Variants in FAM118B observed in about 807,000 individuals in gnomAD.
The protein encoded by FAM118B is protein FAM118B.
FAM118B carries 24 observed loss-of-function variants against 38.5 expected under a neutral mutation model. The ratio of observed to expected loss-of-function variants is 0.62; its 90% confidence interval spans 0.45 to 0.88. The LOEUF (loss-of-function observed/expected upper bound fraction) is 0.88, where lower values mean the gene tolerates loss of function less well. Among genes scored for constraint, FAM118B ranks in the 40% least tolerant of loss-of-function variants. The pLI, the probability that FAM118B is intolerant of heterozygous loss-of-function variation, is 0.00. For synonymous variants in FAM118B, 138 were observed against 156.3 expected (o/e 0.88, Z 0.87); for missense variants, 334 against 420.0 (o/e 0.80, Z 1.79).
intron 3 of FAM118B, among the ~76,000 whole-genome samples, chr11:126,239,651 C>A (rs573484848): frequency 3.9e-5 from 6 of 152,230 alleles, no homozygotes; most frequent in African/African-American, 1.2e-4. Context: ...GTAGCTGGGA[C>A]TACAGGTGTG....
At chr11:126,260,838 G>A (rs1950676936) in intron 7 of FAM118B, 1 of 152,252 alleles carries the variant, frequency 6.6e-6, no homozygotes. Context: ...GTGTTATCCA[G>A]TAGAATTTCC....
At chr11:126,235,207 A>G in intron 3 of FAM118B, 120 bp downstream of exon 3, 1 of 771,456 alleles carries the variant, frequency 1.3e-6, no homozygotes, top group Non-Finnish European at 2.1e-6. Flanking sequence ...TTCATACTCA[A>G]AATTAAATTG....
intron 1 of FAM118B, among the ~76,000 whole-genome samples, chr11:126,227,744 C>T (rs1161576532): frequency 6.6e-6 from 1 of 152,162 alleles, no homozygotes; most frequent in Admixed American, 6.5e-5. Context: ...CACTTAATCA[C>T]TACAGACAGT....
chr11:126,214,302 G>C (rs2135116335), intron 1 of FAM118B: 1 of 147,484 alleles, frequency 6.8e-6, no homozygotes, highest in Middle Eastern at 3.6e-3. Context: ...GCAGTGAGCC[G>C]AGATCGCATC....
chr11:126,254,868 GCTT>G (rs1431128633), intron 6 of FAM118B, among the ~76,000 whole-genome samples: 1 of 152,144 alleles, frequency 6.6e-6, no homozygotes, highest in Non-Finnish European at 1.5e-5. Flanking sequence ...TTCTTCCTGT[GCTT>G]CTTAACTTAT....
In FAM118B at chr11:126,244,539, C is replaced by T. The variant is rs1376340235; in HGVS notation, c.339+3495C>T. Among the ~76,000 whole-genome samples, 1 of 152,176 alleles carries T rather than the reference C, an allele frequency of 6.6e-6. No individual in the cohort carries two copies. The highest frequency in any genetic ancestry group is 1.9e-4 in the East Asian group (1 of 5,202). ...GTACAGAAGGCTAGGCGTGGTGGCC[C>T]ATGCCTGTTGTCTCAGCGCTTTGGG... is the stretch of plus-strand genomic sequence containing the variant. On this transcript the variant is annotated intron_variant, in intron 4 of 8. Transcript: ENST00000533050. This position sits in a 1 kb window ranked among gnomAD's most constrained non-coding sequence, Gnocchi z 4.5.
chr11:126,239,182 C>T (rs1184659217), intron 3 of FAM118B, among the ~76,000 whole-genome samples: 3 of 151,860 alleles, frequency 2.0e-5, no homozygotes, highest in Admixed American at 1.3e-4. Flanking sequence ...ACTAAGTTGC[C>T]TAGGCTTGTC....
chr11:126,234,845 T>TC, intron 2 of FAM118B, 150 bp from the exon 3 acceptor site: 2 of 529,730 alleles, frequency 3.8e-6, no homozygotes, highest in Non-Finnish European at 6.7e-6. Context: ...TTTAGAATGT[T>TC]CATTAATTAA....
intron 1 of FAM118B, among the ~76,000 whole-genome samples, chr11:126,225,339 A>G (rs1300325370): frequency 1.3e-5 from 2 of 152,218 alleles, no homozygotes; most frequent in Admixed American, 6.5e-5. Flanking sequence ...TTGGCACACT[A>G]CTTTCAAAAG....
intron 5 of FAM118B, among the ~76,000 whole-genome samples, chr11:126,251,863 G>T (rs758037579): frequency 1.9e-4 from 29 of 151,350 alleles, no homozygotes; most frequent in Non-Finnish European, 3.8e-4. Flanking sequence ...TGTATTTTTG[G>T]TAGAGACGGG....
At chr11:126,214,478 T>C (rs1591496382) in intron 1 of FAM118B, 2 of 128,056 alleles carry the variant, frequency 1.6e-5, no homozygotes, top group Non-Finnish European at 3.2e-5. Flanking sequence ...TGCAAAAAAC[T>C]CTTTTGTTTC....
At position 126,257,000 on chromosome 11, in the gene FAM118B, G is replaced by C; in HGVS notation, c.982+148G>C. 1.3e-6 allele frequency: 1 copy of C among 769,310 alleles called. No individual in the cohort carries two copies. The highest frequency in any genetic ancestry group is 1.8e-5 in the South Asian group (1 of 56,080). 47.7% of individuals were successfully genotyped at this position (769,310 alleles called of 1,614,324 possible). A position where few individuals can be genotyped will look rare whatever the true frequency, so the allele number is the denominator to read the frequency against. On this transcript the variant is annotated intron_variant, in intron 7 of 8. Coordinates refer to ENST00000533050, the MANE Select transcript of FAM118B (RefSeq NM_024556.4). This position sits in a 1 kb window ranked among gnomAD's most constrained non-coding sequence, Gnocchi z 6.6. Reference sequence around the variant, plus strand: ...AAAGGAGGCCACAGTCTTCAGGTTAGACTAAAGTGCCACTTGGATTATGGG... The same window carrying C: ...AAAGGAGGCCACAGTCTTCAGGTTACACTAAAGTGCCACTTGGATTATGGG...
chr11:126,258,526 C>G (rs978173338), intron 7 of FAM118B, among the ~76,000 whole-genome samples: 4 of 152,188 alleles, frequency 2.6e-5, no homozygotes, highest in African/African-American at 9.7e-5. Context: ...TCTTCCATGG[C>G]TATGCTTTGA....
At chr11:126,231,879 C>T (rs1490802405) in intron 2 of FAM118B, among the ~76,000 whole-genome samples, 1 of 152,152 alleles carries the variant, frequency 6.6e-6, no homozygotes, top group African/African-American at 2.4e-5. Flanking sequence ...ACAAATAGTG[C>T]TTGTCACTGG....
intron 8 of FAM118B, among the ~76,000 whole-genome samples, chr11:126,261,914 T>C (rs1950709105): frequency 6.6e-6 from 1 of 152,098 alleles, no homozygotes; most frequent in Non-Finnish European, 1.5e-5. Flanking sequence ...TTGAGCCCAG[T>C]GAGCTGATTG....
At chr11:126,225,758 T>A (rs1950131972) in intron 1 of FAM118B, among the ~76,000 whole-genome samples, 1 of 152,142 alleles carries the variant, frequency 6.6e-6, no homozygotes, top group Non-Finnish European at 1.5e-5. Flanking sequence ...GGCAGGCAGA[T>A]CATTTGAGGT....
At chr11:126,240,316 A>G (rs983648004) in intron 3 of FAM118B, among the ~76,000 whole-genome samples, 1 of 151,092 alleles carries the variant, frequency 6.6e-6, no homozygotes, top group African/African-American at 2.4e-5. Flanking sequence ...CAAAATTCAG[A>G]ATTAAATTTT....
intron 1 of FAM118B, among the ~76,000 whole-genome samples, chr11:126,221,919 A>T (rs1344285908): frequency 2.0e-4 from 30 of 152,046 alleles, no homozygotes; most frequent in Non-Finnish European, 1.5e-5. Context: ...CCTCAAGCAG[A>T]AGTGCTCATC....
chr11:126,221,744 G>A (rs1235827933), intron 1 of FAM118B, among the ~76,000 whole-genome samples: 1 of 152,062 alleles, frequency 6.6e-6, no homozygotes, highest in African/African-American at 2.4e-5. Flanking sequence ...TCAGCATTTA[G>A]GAAACAGGGA....
Sources: allele counts gnomAD v4.1 joint callset (sites outside exome capture counted in the v4.1 genomes callset), GRCh38; gene constraint gnomAD v4.1.1; non-coding constraint Gnocchi (gnomAD v3.1); transcripts MANE v1.5; gene names NCBI Gene and HGNC (gene_info 2026-07-23, HGNC 2026-07-21).